PRTFDC1: variants seen among roughly 807,000 people sequenced by gnomAD.
PRTFDC1 encodes the protein phosphoribosyl transferase domain containing 1, also known as phosphoribosyltransferase domain-containing protein 1.
Under a neutral mutation model 34.6 loss-of-function variants are expected in PRTFDC1, and 38 were observed. That is an observed-to-expected ratio of 1.10 (90% CI 0.85 to 1.44). The LOEUF is 1.44. Ranked by LOEUF, PRTFDC1 falls within the 40% of genes most tolerant of loss-of-function variation. PRTFDC1 has a pLI of 0.00. For synonymous variants in PRTFDC1, 93 were observed against 98.1 expected (o/e 0.95, Z 0.31); for missense variants, 270 against 283.0 (o/e 0.95, Z 0.33).
Position 24,857,789 on chromosome 10 carries a change from C to T in PRTFDC1, c.423+603G>A, listed in dbSNP as rs183709446. 2.0e-5 allele frequency among the ~76,000 whole-genome samples: 3 copies of T among 151,906 alleles called. No homozygotes were observed. The East Asian group carries it at 5.8e-4, about 29-fold the overall frequency. The stretch of plus-strand genomic sequence containing the variant: ...ATTTTTTGCTGTTTGATGAGACAAG[C>T]GTGCTCCTGAAGGAAACGTGGCCAT... On this transcript the variant is annotated intron_variant, in intron 5 of 8. Transcript: ENST00000320152.
intron 3 of PRTFDC1, among the ~76,000 whole-genome samples, chr10:24,900,121 G>A (rs1848425487): frequency 1.3e-5 from 2 of 152,186 alleles, no homozygotes; most frequent in Admixed American, 6.5e-5. Flanking sequence ...CTAATTTACT[G>A]ATGCAGCCTC....
At chr10:24,949,735 AT>A (rs758571429) in intron 1 of PRTFDC1, among the ~76,000 whole-genome samples, 1 of 140,024 alleles carries the variant, frequency 7.1e-6, no homozygotes, top group Non-Finnish European at 1.6e-5. Flanking sequence ...TTATTTATTT[AT>A]TTATTTTTTT....
In PRTFDC1 at chr10:24,952,566, T is replaced by C. The variant is rs765515959; in HGVS notation, c.10A>G (p.Ser4Gly). 1.1e-5 allele frequency: 17 copies of C among 1,585,308 alleles called. No homozygotes were observed. In the Admixed American group the frequency reaches 2.8e-4, roughly 26 times the overall value. ...CCGTAGTCTGGCGCCTCCTCGCTGC[T>C]CCCGGCCATGTTTCTCCCGGGGAAC... MAG[S>G]SEEAPDYGRG... The change falls in exon 1 of 9, where the codon AGC (serine) becomes GGC (glycine). Residue 4 changes from serine (S) to glycine (G), a missense_variant. Transcript: ENST00000320152. This position sits in a 1 kb window ranked among gnomAD's most constrained non-coding sequence, Gnocchi z 5.1.
rs117750053 is a variant in PRTFDC1 at position 24,899,239 on chromosome 10, C to T, written c.340-27176G>A. 1.5e-3 allele frequency among the ~76,000 whole-genome samples: 227 copies of T among 152,236 alleles called. 1 individual carries two copies. The East Asian group carries it at 0.038, about 25-fold the overall frequency. ...AAATTGCTGGAACCAGGGAGCCACCCCCCAATTTGTGTCTCCCACAACATC... is the reference window on the plus strand; with the variant it reads ...AAATTGCTGGAACCAGGGAGCCACCTCCCAATTTGTGTCTCCCACAACATC... On this transcript the variant is annotated intron_variant, in intron 3 of 8. Coordinates refer to ENST00000320152, the MANE Select transcript of PRTFDC1 (RefSeq NM_020200.7).
At chr10:24,894,898 A>G (rs1848324176) in intron 3 of PRTFDC1, among the ~76,000 whole-genome samples, 1 of 152,104 alleles carries the variant, frequency 6.6e-6, no homozygotes, top group African/African-American at 2.4e-5. Flanking sequence ...AGTAGTGGCG[A>G]CACACACCAC....
chr10:24,867,498 C>G (rs1478641361), intron 4 of PRTFDC1: 1 of 152,176 alleles, frequency 6.6e-6, no homozygotes, highest in Non-Finnish European at 1.5e-5. Flanking sequence ...GCAAGTTCAG[C>G]TCTTCATTGA....
intron 3 of PRTFDC1, among the ~76,000 whole-genome samples, chr10:24,896,373 A>G (rs959433025): frequency 1.3e-5 from 2 of 152,090 alleles, no homozygotes; most frequent in African/African-American, 2.4e-5. Flanking sequence ...CCATCCCCCA[A>G]CCCTTCCCTA....
intron 3 of PRTFDC1, among the ~76,000 whole-genome samples, chr10:24,923,582 C>T (rs1848824354): frequency 6.6e-6 from 1 of 152,166 alleles, no homozygotes; most frequent in Non-Finnish European, 1.5e-5. Context: ...GGAAAACTAG[C>T]AAACAGAAAG....
chr10:24,931,447 T>C (rs1848970258), intron 3 of PRTFDC1, among the ~76,000 whole-genome samples: 1 of 151,562 alleles, frequency 6.6e-6, no homozygotes. Flanking sequence ...AACAAATTGG[T>C]TCTTTGAAAG....
chr10:24,871,099 G>A (rs888121645), intron 4 of PRTFDC1, among the ~76,000 whole-genome samples: 6 of 149,060 alleles, frequency 4.0e-5, no homozygotes, highest in Non-Finnish European at 7.4e-5. Flanking sequence ...AAGTCCTTGT[G>A]GCTCTATAGC....
chr10:24,902,052 C>T (rs961219679), intron 3 of PRTFDC1, among the ~76,000 whole-genome samples: 3 of 152,150 alleles, frequency 2.0e-5, no homozygotes, highest in Non-Finnish European at 4.4e-5. Context: ...TGGTGACGAT[C>T]CCTGCACAGC....
chr10:24,945,538 TC>T (rs1271854670), intron 1 of PRTFDC1, among the ~76,000 whole-genome samples: 1 of 152,218 alleles, frequency 6.6e-6, no homozygotes, highest in Non-Finnish European at 1.5e-5. Flanking sequence ...CACTGCAGCC[TC>T]GAACTTTTAG....
chr10:24,881,755 C>T (rs1013868565), intron 3 of PRTFDC1, among the ~76,000 whole-genome samples: 1 of 151,818 alleles, frequency 6.6e-6, no homozygotes, highest in Non-Finnish European at 1.5e-5. Context: ...TCCTTGCAAC[C>T]CCTCTCACCA....
chr10:24,850,646 G>T (rs537783816), intron 8 of PRTFDC1, among the ~76,000 whole-genome samples: 4 of 152,162 alleles, frequency 2.6e-5, no homozygotes, highest in East Asian at 3.9e-4. Context: ...CTTTAAAGAG[G>T]GGGGAGGGGG....
intron 3 of PRTFDC1, among the ~76,000 whole-genome samples, chr10:24,913,437 A>T (rs1047521235): frequency 6.6e-6 from 1 of 152,220 alleles, no homozygotes. Flanking sequence ...GGTATTAGTG[A>T]CATGCTTCTT....
chr10:24,934,333 C>T (rs1849017411), intron 3 of PRTFDC1, among the ~76,000 whole-genome samples: 1 of 152,106 alleles, frequency 6.6e-6, no homozygotes, highest in Admixed American at 6.5e-5. Context: ...ATTCTAAGCC[C>T]CCCAGCTGTG....
chr10:24,952,595 G>A lies in PRTFDC1; in HGVS notation c.-20C>T. The A allele has an allele frequency of 6.4e-7, 1 of 1,566,020 alleles. No homozygotes were observed. The highest frequency in any genetic ancestry group is 8.6e-7 in the Non-Finnish European group (1 of 1,157,110). ...GGCCATGTTTCTCCCGGGGAACGCG[G>A]GAAGGGAAGACGGCGCGGGAAGGAG... On this transcript the variant is annotated 5_prime_UTR_variant, in exon 1 of 9. Coordinates refer to ENST00000320152, the MANE Select transcript of PRTFDC1 (RefSeq NM_020200.7). This position sits in a 1 kb window ranked among gnomAD's most constrained non-coding sequence, Gnocchi z 5.1.
intron 3 of PRTFDC1, among the ~76,000 whole-genome samples, chr10:24,884,088 T>A (rs1271836758): frequency 6.6e-6 from 1 of 151,202 alleles, no homozygotes; most frequent in African/African-American, 2.4e-5. Context: ...TGCCTCGGCC[T>A]CCCAAAGTGC....
At chr10:24,874,108 C>T (rs1276962908) in intron 3 of PRTFDC1, among the ~76,000 whole-genome samples, 2 of 151,662 alleles carry the variant, frequency 1.3e-5, no homozygotes, top group Admixed American at 6.6e-5. Flanking sequence ...AAAGCATTCA[C>T]TCCTTACCAT....
Sources: gnomAD v4.1 joint callset for allele counts (sites outside exome capture counted in the v4.1 genomes callset) on GRCh38, gnomAD v4.1.1 for gene constraint, Gnocchi (gnomAD v3.1) non-coding constraint, MANE v1.5 for transcripts, NCBI Gene and HGNC (gene_info 2026-07-23, HGNC 2026-07-21) for gene names.